Variants in RAPGEF6 observed in about 807,000 individuals in gnomAD.
RAPGEF6 encodes the protein PDZ domain containing guanine nucleotide exchange factor (GEF) 2.
RAPGEF6 carries 56 observed loss-of-function variants against 171.4 expected under a neutral mutation model. The ratio of observed to expected loss-of-function variants is 0.33; its 90% CI spans 0.26 to 0.41. The LOEUF is 0.41. Ranked by LOEUF, RAPGEF6 falls within the 10% of genes least tolerant of loss-of-function variation. RAPGEF6 has a pLI of 1.00. For synonymous variants in RAPGEF6, 692 were observed against 650.1 expected, an observed-to-expected ratio of 1.06 and a Z score of -0.98; for missense variants, 1,674 against 1,921.4, an observed-to-expected ratio of 0.87 and a Z score of 2.41.
At chr5:131,603,349 G>T in intron 2 of RAPGEF6, 22 bp from the exon 3 acceptor site, 6 of 1,411,454 alleles carry the variant, frequency 4.3e-6, no homozygotes, top group African/African-American at 2.9e-5. Context: ...AAAAATTGAA[G>T]ATTTTATCTT....
At chr5:131,437,491 A>G (rs1338647663) in intron 24 of RAPGEF6, among the ~76,000 whole-genome samples, 1 of 152,214 alleles carries the variant, frequency 6.6e-6, no homozygotes, top group Non-Finnish European at 1.5e-5. Context: ...GCATATGGAT[A>G]CTGTTCATTT....
intron 20 of RAPGEF6, 41 bp downstream of exon 20, chr5:131,455,760 T>A: frequency 6.5e-7 from 1 of 1,540,414 alleles, no homozygotes; most frequent in Non-Finnish European, 9.0e-7. Context: ...AGACTTTAGA[T>A]AAACCATGTG....
At chr5:131,521,891 A>ACACT (rs1250904540) in intron 6 of RAPGEF6, among the ~76,000 whole-genome samples, 69 of 123,644 alleles carry the variant, frequency 5.6e-4, no homozygotes, top group East Asian at 2.6e-3. Context: ...ACACACACAC[A>ACACT]CTCTCTCTCT....
chr5:131,498,454 A>G lies in RAPGEF6; in HGVS notation c.1408T>C (p.Leu470=). 1 of 1,605,380 alleles carries G rather than the reference A, an allele frequency of 6.2e-7. No individual in the cohort carries two copies. The highest frequency in any genetic ancestry group is 8.5e-7 in the Non-Finnish European group (1 of 1,175,248). Residue 470 remains leucine, a synonymous_variant, in exon 12 of 28, where the codon TTA becomes CTA. Coordinates refer to ENST00000509018, the MANE Select transcript of RAPGEF6 (RefSeq NM_016340.6). ...CTTATAAAACCAACCTTATCTCTTA[A>G]GCTGTCGATCTTAAACCATTCCAAT... The part of the protein sequence containing the change: ...KLLEWFKIDS[L]RDKVTRIVLL...
chr5:131,491,654 A>G (rs1285573349), intron 14 of RAPGEF6, among the ~76,000 whole-genome samples: 2 of 152,198 alleles, frequency 1.3e-5, no homozygotes, highest in Non-Finnish European at 2.9e-5. Flanking sequence ...CAGCAGTGAC[A>G]TTAGATTCTC....
intron 4 of RAPGEF6, among the ~76,000 whole-genome samples, chr5:131,575,875 T>C (rs1469045980): frequency 1.3e-5 from 2 of 152,144 alleles, no homozygotes; most frequent in African/African-American, 4.8e-5. Flanking sequence ...CTGGCCCTCA[T>C]GTCTACGTGC....
In RAPGEF6 at chr5:131,437,967, CTT is replaced by C. The variant is rs563592447; in HGVS notation, c.3745+1612_3745+1613del. 4.4e-3 allele frequency among the ~76,000 whole-genome samples: 669 copies of C among 151,678 alleles called. 3 individuals carry two copies. Among genetic ancestry groups the C allele is most frequent in the Non-Finnish European group, 7.4e-3 (500 of 67,896 alleles). ...TTTTTTTTTGAGATGGAGTTTTGCT[CTT>C]GTCACCCAGGTTAGGCAACAATTCT... On this transcript the variant is annotated intron_variant, in intron 24 of 27. Transcript: ENST00000509018.
chr5:131,635,006 C>A lies in RAPGEF6; in HGVS notation c.25G>T (p.Ala9Ser). The A allele has an allele frequency of 6.2e-7, 1 of 1,613,666 alleles. No homozygotes were observed. Among genetic ancestry groups the A allele is most frequent in the Non-Finnish European group, 8.5e-7 (1 of 1,179,680 alleles). The change falls in exon 1 of 28, where the codon GCT (alanine) becomes TCT (serine). Residue 9 changes from alanine (A) to serine (S), a missense_variant. By Grantham distance (99) the Ala-to-Ser change is moderately conservative. Transcript: ENST00000509018. MNSPVDPG[A>S]RQALRKKPPE... The stretch of plus-strand genomic sequence containing the variant: ...GGCTTCTTCCTCAACGCCTGCCTAG[C>A]GCCAGGGTCCACGGGTGAGTTCATG...
chr5:131,467,277 T>G (rs3776027), intron 17 of RAPGEF6, among the ~76,000 whole-genome samples: 1 of 152,082 alleles, frequency 6.6e-6, no homozygotes, highest in Admixed American at 6.5e-5. Flanking sequence ...CAAATTGTTA[T>G]ATGATCACAT....
chr5:131,427,231 G>T lies in RAPGEF6; in HGVS notation c.*35C>A. 1 of 1,595,162 alleles carries T rather than the reference G, an allele frequency of 6.3e-7. No homozygotes were observed. The highest frequency in any genetic ancestry group is 1.1e-5 in the South Asian group (1 of 90,596). Reference sequence around the variant, plus strand: ...AGGTGGTTCTTGCCCATTCCTCCACGACTTTCAGTGGTTTTCAAATAGGTC... The same window carrying T: ...AGGTGGTTCTTGCCCATTCCTCCACTACTTTCAGTGGTTTTCAAATAGGTC... On this transcript the variant is annotated 3_prime_UTR_variant, in exon 28 of 28. Transcript: ENST00000509018.
intron 6 of RAPGEF6, among the ~76,000 whole-genome samples, chr5:131,538,019 G>A (rs185318533): frequency 7.2e-5 from 11 of 152,246 alleles, no homozygotes; most frequent in African/African-American, 2.2e-4. Flanking sequence ...CTTGAGTTGG[G>A]AGGTCAAAGC....
chr5:131,523,195 A>G (rs554736282), intron 6 of RAPGEF6, among the ~76,000 whole-genome samples: 1 of 151,662 alleles, frequency 6.6e-6, no homozygotes, highest in Non-Finnish European at 1.5e-5. Flanking sequence ...TTTAATATAT[A>G]CCAGGGGTTG....
intron 1 of RAPGEF6, among the ~76,000 whole-genome samples, chr5:131,630,229 C>G (rs1212195674): frequency 2.0e-5 from 3 of 152,208 alleles, no homozygotes; most frequent in African/African-American, 7.2e-5. Flanking sequence ...CCTCCACCAG[C>G]TAAAAGATGA....
At chr5:131,595,916 G>A (rs1384419051) in intron 3 of RAPGEF6, among the ~76,000 whole-genome samples, 2 of 152,186 alleles carry the variant, frequency 1.3e-5, no homozygotes, top group Non-Finnish European at 2.9e-5. Flanking sequence ...ACTTTGGGAG[G>A]CTGAGACAGG....
intron 24 of RAPGEF6, among the ~76,000 whole-genome samples, chr5:131,436,785 A>G (rs1752037221): frequency 6.6e-6 from 1 of 152,212 alleles, no homozygotes; most frequent in Non-Finnish European, 1.5e-5. Context: ...CTTAGTAAAA[A>G]CCAAATAAGA....
intron 5 of RAPGEF6, among the ~76,000 whole-genome samples, chr5:131,557,527 T>A (rs909936970): frequency 6.6e-6 from 1 of 152,202 alleles, no homozygotes; most frequent in African/African-American, 2.4e-5. Flanking sequence ...CACAGTTTTA[T>A]ATTTTTTTCC....
At chr5:131,507,599 C>T (rs565138030) in intron 9 of RAPGEF6, among the ~76,000 whole-genome samples, 31 of 152,210 alleles carry the variant, frequency 2.0e-4, no homozygotes, top group African/African-American at 7.0e-4. Flanking sequence ...GTCACCTAAA[C>T]GCTTCAACTG....
intron 17 of RAPGEF6, 85 bp from the exon 18 acceptor site, chr5:131,464,366 C>T: frequency 1.0e-6 from 1 of 964,404 alleles, no homozygotes; most frequent in East Asian, 2.5e-5. Context: ...ACACAGTGAT[C>T]CCTCTGAACA....
chr5:131,510,517 AC>A (rs752602712), intron 7 of RAPGEF6, 26 bp from the exon 8 acceptor site: 5 of 1,595,204 alleles, frequency 3.1e-6, no homozygotes, highest in East Asian at 4.5e-5. Flanking sequence ...TTGATCACTT[AC>A]CATTTCATGT....
Sources: allele counts gnomAD v4.1 joint callset (sites outside exome capture counted in the v4.1 genomes callset), GRCh38; gene constraint gnomAD v4.1.1; transcripts MANE v1.5; gene names NCBI Gene and HGNC (gene_info 2026-07-23, HGNC 2026-07-21).